Variants in EXOC4 observed in about 807,000 individuals in gnomAD.
The protein encoded by EXOC4 is SEC8-like 1.
In EXOC4, 71 loss-of-function variants were observed where a neutral mutation model predicts 107.2. The observed-to-expected ratio is 0.66, with a 90% CI of 0.55 to 0.81. EXOC4 has a LOEUF of 0.81. Ranked by LOEUF, EXOC4 falls within the 30% of genes least tolerant of loss-of-function variation. The pLI, the probability that EXOC4 is intolerant of heterozygous loss-of-function variation, is 0.00. For synonymous variants in EXOC4, 456 were observed against 441.2 expected (o/e 1.03, Z -0.42); for missense variants, 1,108 against 1,189.6 (o/e 0.93, Z 1.01).
chr7:133,579,959 T>C (rs955419600), intron 9 of EXOC4, among the ~76,000 whole-genome samples: 3 of 152,222 alleles, frequency 2.0e-5, no homozygotes, highest in African/African-American at 7.2e-5. Context: ...CCTCCCAAAG[T>C]GCTGAGATTA....
Position 133,604,706 on chromosome 7 carries a change from CTTTCTTTTTTTT to C in EXOC4, c.1418-25335_1418-25324del, listed in dbSNP as rs1253646731. Among the ~76,000 whole-genome samples, 59 of 87,556 alleles carry C rather than the reference CTTTCTTTTTTTT, an allele frequency of 6.7e-4. 2 individuals carry two copies. The highest frequency in any genetic ancestry group is 1.3e-3 in the African/African-American group (30 of 22,716). The allele number at this position is 87,556 out of a possible 152,430, so 57.4% of individuals were successfully genotyped here. A position where few individuals can be genotyped will look rare whatever the true frequency, so the allele number is the denominator to read the frequency against. On this transcript the variant is annotated intron_variant, in intron 9 of 17. Transcript: ENST00000253861. ...TTTTTCTTTCCTTCCTTCCTTCCTTCTTTCTTTTTTTTTTTTTTTTTTTTTTTTTTTTTTTGA... is the reference window on the plus strand; with the variant it reads ...TTTTTCTTTCCTTCCTTCCTTCCTTCTTTTTTTTTTTTTTTTTTTTTTTGA...
chr7:134,052,471 A>G (rs1189987505), intron 17 of EXOC4, among the ~76,000 whole-genome samples: 2 of 152,040 alleles, frequency 1.3e-5, no homozygotes, highest in African/African-American at 4.8e-5. Context: ...TCAAGAGGGA[A>G]GGACTGATTT....
At chr7:133,778,386 T>G (rs1355520862) in intron 10 of EXOC4, among the ~76,000 whole-genome samples, 1 of 152,120 alleles carries the variant, frequency 6.6e-6, no homozygotes, top group Non-Finnish European at 1.5e-5. Flanking sequence ...GCCCAGGAGT[T>G]CGAGACCAGC....
intron 14 of EXOC4, among the ~76,000 whole-genome samples, chr7:133,992,095 A>G (rs1470503313): frequency 2.0e-5 from 3 of 152,120 alleles, no homozygotes; most frequent in African/African-American, 7.2e-5. Context: ...AGGAGTGTGC[A>G]TATCTTTCCA....
At chr7:133,861,912 T>C (rs547126987) in intron 11 of EXOC4, among the ~76,000 whole-genome samples, 33 of 152,244 alleles carry the variant, frequency 2.2e-4, no homozygotes, top group Non-Finnish European at 4.1e-4. Flanking sequence ...AAACACTGGT[T>C]TAGAGGACAG....
At chr7:133,493,418 C>A (rs1799414034) in intron 9 of EXOC4, among the ~76,000 whole-genome samples, 1 of 152,174 alleles carries the variant, frequency 6.6e-6, no homozygotes, top group Non-Finnish European at 1.5e-5. Flanking sequence ...GCCTGGGCGA[C>A]AAAGCGATAC....
At chr7:133,804,734 ATTTCACG>A (rs1797032495) in intron 10 of EXOC4, among the ~76,000 whole-genome samples, 1 of 152,194 alleles carries the variant, frequency 6.6e-6, no homozygotes, top group Non-Finnish European at 1.5e-5. Context: ...GCTTCACTAA[ATTTCACG>A]TTTGAGAAAA....
chr7:134,000,755 A>C (rs931192966), intron 15 of EXOC4, among the ~76,000 whole-genome samples: 1 of 152,116 alleles, frequency 6.6e-6, no homozygotes, highest in East Asian at 1.9e-4. Flanking sequence ...GGTGTGGTGA[A>C]AAAGTGGCTG....
chr7:133,580,038 A>AACACT (rs1289273926), intron 9 of EXOC4, among the ~76,000 whole-genome samples: 1 of 152,214 alleles, frequency 6.6e-6, no homozygotes, highest in East Asian at 1.9e-4. Flanking sequence ...GATTCATATA[A>AACACT]GTGAAATAAT....
chr7:134,035,549 A>T (rs575559900), intron 17 of EXOC4, among the ~76,000 whole-genome samples: 1 of 152,324 alleles, frequency 6.6e-6, no homozygotes, highest in East Asian at 1.9e-4. Context: ...TGTCTTCCAC[A>T]TCAGGAGATT....
At chr7:133,319,796 A>G (rs915588911) in intron 5 of EXOC4, among the ~76,000 whole-genome samples, 33 of 141,354 alleles carry the variant, frequency 2.3e-4, no homozygotes, top group African/African-American at 7.4e-4. Context: ...TTCTTTTTAG[A>G]TGGGTTCATT....
intron 9 of EXOC4, among the ~76,000 whole-genome samples, chr7:133,567,491 A>G (rs752770803): frequency 1.3e-5 from 2 of 152,172 alleles, no homozygotes; most frequent in Non-Finnish European, 2.9e-5. Context: ...CAGTATAACC[A>G]TCCTTGCATG....
intron 7 of EXOC4, among the ~76,000 whole-genome samples, chr7:133,397,662 T>G (rs758228064): frequency 2.0e-5 from 3 of 152,184 alleles, no homozygotes; most frequent in Non-Finnish European, 4.4e-5. Context: ...TCCATTTAAC[T>G]TTTCTGTTTG....
intron 10 of EXOC4, among the ~76,000 whole-genome samples, chr7:133,799,436 G>T (rs1389693123): frequency 6.6e-6 from 1 of 152,156 alleles, no homozygotes; most frequent in Non-Finnish European, 1.5e-5. Context: ...TGTTTGCATT[G>T]CCCCTGTCCC....
intron 9 of EXOC4, among the ~76,000 whole-genome samples, chr7:133,567,558 C>T (rs908910110): frequency 5.9e-5 from 9 of 152,070 alleles, no homozygotes; most frequent in Non-Finnish European, 1.2e-4. Context: ...CAGGCCAAAC[C>T]GTTATATTCC....
intron 10 of EXOC4, among the ~76,000 whole-genome samples, chr7:133,778,459 C>G: frequency 6.6e-6 from 1 of 152,280 alleles, no homozygotes; most frequent in Middle Eastern, 3.4e-3. Flanking sequence ...TGGCGTGTGC[C>G]TGCAGTCTCA....
At chr7:133,823,516 C>G (rs919472021) in intron 11 of EXOC4, among the ~76,000 whole-genome samples, 10 of 151,728 alleles carry the variant, frequency 6.6e-5, no homozygotes, top group African/African-American at 2.4e-4. Flanking sequence ...GAGAGTACAT[C>G]AAAAATTATT....
intron 13 of EXOC4, among the ~76,000 whole-genome samples, chr7:133,918,394 A>G (rs566558841): frequency 1.3e-5 from 2 of 152,334 alleles, no homozygotes; most frequent in African/African-American, 4.8e-5. Flanking sequence ...TACCCTTTCA[A>G]ACATGAGAGT....
intron 10 of EXOC4, among the ~76,000 whole-genome samples, chr7:133,632,422 G>A (rs1182695470): frequency 6.6e-6 from 1 of 152,074 alleles, no homozygotes; most frequent in Non-Finnish European, 1.5e-5. Context: ...TTTGATAAAC[G>A]GATGACTATG....
Sources: allele counts gnomAD v4.1 joint callset (sites outside exome capture counted in the v4.1 genomes callset), GRCh38; gene constraint gnomAD v4.1.1; transcripts MANE v1.5; gene names NCBI Gene and HGNC (gene_info 2026-07-23, HGNC 2026-07-21).